DLG2: variants seen among roughly 807,000 people sequenced by gnomAD.
DLG2 encodes discs large MAGUK scaffold protein 2.
DLG2 carries 45 observed loss-of-function variants against 132.5 expected under a neutral mutation model. That is an observed-to-expected ratio of 0.34 (90% CI 0.27 to 0.44). The LOEUF is 0.44. DLG2 is among the 20% of genes least tolerant of loss of function. The probability of loss-of-function intolerance (pLI) is 1.00; values close to 1 mark genes in which losing one functional copy is unlikely to be tolerated. For synonymous variants in DLG2, 424 were observed against 419.6 expected, an observed-to-expected ratio of 1.01 and a Z score of -0.13; for missense variants, 1,045 against 1,196.9, an observed-to-expected ratio of 0.87 and a Z score of 1.87.
At chr11:83,952,872 C>G (rs1233007995) in intron 14 of DLG2, among the ~76,000 whole-genome samples, 1 of 150,748 alleles carries the variant, frequency 6.6e-6, no homozygotes, top group African/African-American at 2.4e-5. Flanking sequence ...ATATATATTA[C>G]TTTTATAATC....
intron 21 of DLG2, among the ~76,000 whole-genome samples, chr11:83,498,774 CTT>C (rs34217800): frequency 5.6e-5 from 8 of 143,376 alleles, no homozygotes; most frequent in African/African-American, 7.6e-5. Flanking sequence ...GAAGAAAAAT[CTT>C]TTTTTTTTTT....
chr11:84,873,626 G>C (rs2085852905), intron 6 of DLG2, among the ~76,000 whole-genome samples: 1 of 152,166 alleles, frequency 6.6e-6, no homozygotes, highest in Non-Finnish European at 1.5e-5. Context: ...AAGATTTCCT[G>C]AAAGATTAGG....
chr11:84,440,497 T>G (rs2099014076), intron 7 of DLG2, among the ~76,000 whole-genome samples: 1 of 152,198 alleles, frequency 6.6e-6, no homozygotes, highest in Non-Finnish European at 1.5e-5. Context: ...TGGCTCTCTG[T>G]GGGCAGATGT....
intron 3 of DLG2, among the ~76,000 whole-genome samples, chr11:85,551,840 T>G (rs1206607233): frequency 6.6e-6 from 1 of 151,840 alleles, no homozygotes; most frequent in Non-Finnish European, 1.5e-5. Flanking sequence ...CCACAAATAC[T>G]AAGTACATAT....
At chr11:85,543,469 T>C (rs554102452) in intron 3 of DLG2, among the ~76,000 whole-genome samples, 4 of 152,318 alleles carry the variant, frequency 2.6e-5, no homozygotes, top group African/African-American at 4.8e-5. Context: ...ATCTTTATAG[T>C]AGAATGATTT....
At chr11:85,414,713 T>C (rs754473823) in intron 3 of DLG2, among the ~76,000 whole-genome samples, 2 of 152,090 alleles carry the variant, frequency 1.3e-5, no homozygotes, top group Admixed American at 6.6e-5. Context: ...CCCCCACTAT[T>C]ACTGTGCTGA....
chr11:83,810,815 C>T (rs752630160), intron 17 of DLG2, among the ~76,000 whole-genome samples: 2 of 152,004 alleles, frequency 1.3e-5, no homozygotes, highest in Non-Finnish European at 2.9e-5. Flanking sequence ...GGTTCTGTGC[C>T]ATGTCCCATG....
At chr11:84,444,045 G>T (rs1362342211) in intron 7 of DLG2, among the ~76,000 whole-genome samples, 1 of 149,564 alleles carries the variant, frequency 6.7e-6, no homozygotes, top group Non-Finnish European at 1.5e-5. Flanking sequence ...AAAGGAACAA[G>T]ATCTTGTCCT....
At position 85,426,358 on chromosome 11, in the gene DLG2, C is replaced by T. The variant is rs536694034; in HGVS notation, c.41-140993G>A. Among the ~76,000 whole-genome samples, 9 of 152,302 alleles carry T rather than the reference C, an allele frequency of 5.9e-5. No homozygotes were observed. In the South Asian group the frequency reaches 1.9e-3, roughly 32 times the overall value. On this transcript the variant is annotated intron_variant, in intron 3 of 27. Transcript: ENST00000376104. ...AGTGGGTCCCTGACCCCTGAGTAGC[C>T]TAACTGGGAGGCACCCCCCAGTAGG...
chr11:83,466,365 A>T (rs2091040600), intron 26 of DLG2, among the ~76,000 whole-genome samples: 1 of 152,190 alleles, frequency 6.6e-6, no homozygotes, highest in African/African-American at 2.4e-5. Context: ...AAAAAACCAA[A>T]TCAAGCCAAG....
At chr11:83,970,350 A>G (rs1241329451) in intron 12 of DLG2, among the ~76,000 whole-genome samples, 1 of 152,224 alleles carries the variant, frequency 6.6e-6, no homozygotes, top group East Asian at 1.9e-4. Context: ...GAAAATTTTT[A>G]GACCATAAAG....
intron 9 of DLG2, among the ~76,000 whole-genome samples, chr11:84,134,185 C>T (rs11823834): frequency 0.019 from 2,826 of 152,032 alleles, 72 homozygotes; most frequent in African/African-American, 0.063. Context: ...CATGACATAG[C>T]GTGAAATGAC....
At chr11:84,696,532 C>T (rs2058630903) in intron 6 of DLG2, among the ~76,000 whole-genome samples, 1 of 151,268 alleles carries the variant, frequency 6.6e-6, no homozygotes, top group Admixed American at 6.6e-5. Flanking sequence ...GAAAGGTGAG[C>T]AGTATATGCC....
intron 6 of DLG2, among the ~76,000 whole-genome samples, chr11:84,753,993 G>A (rs1488510186): frequency 6.6e-6 from 1 of 152,134 alleles, no homozygotes; most frequent in Non-Finnish European, 1.5e-5. Context: ...AGATCATGAG[G>A]GACAGACTGA....
chr11:84,965,095 T>A (rs1053767084), intron 6 of DLG2, among the ~76,000 whole-genome samples: 1 of 152,128 alleles, frequency 6.6e-6, no homozygotes, highest in Admixed American at 6.6e-5. Flanking sequence ...TCATAAGATA[T>A]CTAAATGTTT....
intron 7 of DLG2, among the ~76,000 whole-genome samples, chr11:84,291,364 ATCT>A (rs1170620225): frequency 6.6e-6 from 1 of 152,214 alleles, no homozygotes; most frequent in Non-Finnish European, 1.5e-5. Flanking sequence ...AATCCTAACT[ATCT>A]CAACTGACAG....
chr11:84,109,987 T>C (rs2154191374), intron 9 of DLG2, among the ~76,000 whole-genome samples: 1 of 152,346 alleles, frequency 6.6e-6, no homozygotes, highest in African/African-American at 2.4e-5. Flanking sequence ...TCCTCTCGAC[T>C]TCTGCCATCA....
chr11:85,407,981 G>A (rs1417836198), intron 3 of DLG2, among the ~76,000 whole-genome samples: 2 of 151,094 alleles, frequency 1.3e-5, no homozygotes, highest in Non-Finnish European at 3.0e-5. Flanking sequence ...TATGGGTCAG[G>A]CACCGACAGC....
chr11:83,979,061 AT>A (rs1358690641), intron 12 of DLG2, among the ~76,000 whole-genome samples: 1 of 152,126 alleles, frequency 6.6e-6, no homozygotes, highest in Non-Finnish European at 1.5e-5. Flanking sequence ...AAAGCCCTTT[AT>A]AAAAGAACAT....
Sources: gnomAD v4.1 joint callset for allele counts (sites outside exome capture counted in the v4.1 genomes callset) on GRCh38, gnomAD v4.1.1 for gene constraint, MANE v1.5 for transcripts, NCBI Gene and HGNC (gene_info 2026-07-23, HGNC 2026-07-21) for gene names.